The following SETD7 variants were observed in gnomAD, a reference collection of about 807,000 sequenced individuals.
The protein encoded by SETD7 is histone-lysine N-methyltransferase SETD7.
SETD7 carries 16 observed loss-of-function variants against 41.8 expected under a neutral mutation model. The ratio of observed to expected loss-of-function variants is 0.38; its 90% CI spans 0.26 to 0.58. The LOEUF (loss-of-function observed/expected upper bound fraction) is 0.58. Ranked by LOEUF, SETD7 falls within the 20% of genes least tolerant of loss-of-function variation. SETD7 has a pLI of 0.64. For missense variants in SETD7, 346 were observed against 459.7 expected (o/e 0.75, Z 2.26); for synonymous variants, 163 against 169.7 (o/e 0.96, Z 0.31).
intron 4 of SETD7, among the ~76,000 whole-genome samples, chr4:139,528,520 A>T (rs1011737723): frequency 9.2e-5 from 14 of 152,300 alleles, no homozygotes; most frequent in African/African-American, 3.4e-4. Context: ...ATGACTTTTC[A>T]GTATCTCCCA....
downstream of SETD7, among the ~76,000 whole-genome samples, chr4:139,495,702 G>A (rs1215205980): frequency 6.6e-6 from 1 of 152,140 alleles, no homozygotes. Flanking sequence ...ACCACATATG[G>A]GAATTACAAT....
At chr4:139,547,107 C>A (rs888327168) in intron 1 of SETD7, 58 bp from the exon 2 acceptor site, 1 of 1,589,932 alleles carries the variant, frequency 6.3e-7, no homozygotes, top group Non-Finnish European at 8.6e-7. Context: ...TCCCATCTGA[C>A]GTCTAAGCAT....
At chr4:139,496,203 A>C in exon 8 of SETD7, 1 of 491,574 alleles carries the variant, frequency 2.0e-6, no homozygotes, top group Non-Finnish European at 3.6e-6. Context: ...GACTTTATTT[A>C]TTGATTTCTC....
chr4:139,503,422 C>T (rs1726627667), downstream of SETD7, among the ~76,000 whole-genome samples: 1 of 152,066 alleles, frequency 6.6e-6, no homozygotes, highest in Non-Finnish European at 1.5e-5. Context: ...CGGCTTCAGA[C>T]TCTGCCTCTA....
chr4:139,497,326 G>C (rs181695565), intron 7 of SETD7, among the ~76,000 whole-genome samples: 1 of 151,784 alleles, frequency 6.6e-6, no homozygotes, highest in Admixed American at 6.6e-5. Flanking sequence ...ATGGTGGCAG[G>C]CACCTGTAAT....
intron 7 of SETD7, among the ~76,000 whole-genome samples, chr4:139,498,551 C>T (rs1164347064): frequency 6.6e-6 from 1 of 152,244 alleles, no homozygotes; most frequent in Non-Finnish European, 1.5e-5. Flanking sequence ...GCCCCTGTAA[C>T]ATGGTGTGCC....
intron 7 of SETD7, 114 bp downstream of exon 7, chr4:139,517,771 G>A: frequency 8.9e-7 from 1 of 1,128,510 alleles, no homozygotes; most frequent in Non-Finnish European, 1.3e-6. Flanking sequence ...GAGGACCCAT[G>A]GTCATTCAGA....
At chr4:139,530,805 T>TA (rs1163521445) in intron 3 of SETD7, among the ~76,000 whole-genome samples, 3 of 152,220 alleles carry the variant, frequency 2.0e-5, no homozygotes, top group Non-Finnish European at 4.4e-5. Context: ...TATTTTTAAT[T>TA]AAAAACCTTA....
At chr4:139,531,251 G>A (rs55764932) in intron 3 of SETD7, among the ~76,000 whole-genome samples, 3,130 of 152,246 alleles carry the variant, frequency 0.021, 123 homozygotes, top group African/African-American at 0.069. Flanking sequence ...CATGTTGAGC[G>A]ACGCCAATCC....
intron 7 of SETD7, among the ~76,000 whole-genome samples, chr4:139,497,617 C>T (rs1726489271): frequency 6.7e-6 from 1 of 148,928 alleles, no homozygotes; most frequent in Admixed American, 6.7e-5. Context: ...TAGACGAAAT[C>T]TCTCTCTTGT....
At chr4:139,545,605 A>T (rs1253926873) in intron 2 of SETD7, among the ~76,000 whole-genome samples, 3 of 152,238 alleles carry the variant, frequency 2.0e-5, no homozygotes, top group Non-Finnish European at 4.4e-5. Flanking sequence ...ATGAAATTTT[A>T]CAAAAGTCAT....
intron 4 of SETD7, among the ~76,000 whole-genome samples, chr4:139,526,924 A>G (rs1727350203): frequency 6.6e-6 from 1 of 152,236 alleles, no homozygotes; most frequent in African/African-American, 2.4e-5. Flanking sequence ...TTGTAGTTCA[A>G]AGATTACTGC....
At chr4:139,501,483 T>G (rs917990455), downstream of SETD7, among the ~76,000 whole-genome samples, 1 of 152,210 alleles carries the variant, frequency 6.6e-6, no homozygotes, top group African/African-American at 2.4e-5. Flanking sequence ...TTAGGTACAA[T>G]GTACATTACT....
downstream of SETD7, among the ~76,000 whole-genome samples, chr4:139,502,259 A>G (rs772645287): frequency 5.3e-5 from 8 of 152,248 alleles, no homozygotes; most frequent in Non-Finnish European, 1.0e-4. Context: ...GGGAGGAGAA[A>G]GACAATAAAC....
Position 139,510,352 on chromosome 4 carries a change from A to G in SETD7, c.*1311T>C, listed in dbSNP as rs1332581830. On this transcript the variant is annotated 3_prime_UTR_variant, in exon 8 of 8. Transcript: ENST00000274031. The stretch of plus-strand genomic sequence containing the variant: ...GCTTATAAAAAACAAAACTCTCAGG[A>G]TTCATTCAGAGCAATCCCAGTGATG... 1 of 152,270 alleles carries G rather than the reference A, an allele frequency of 6.6e-6. No homozygotes were observed. The highest frequency in any genetic ancestry group is 1.5e-5 in the Non-Finnish European group (1 of 68,056). The allele number at this position is 152,270 out of a possible 1,614,324, so 9.4% of individuals were successfully genotyped here.
In SETD7 at chr4:139,511,614, A is replaced by T; in HGVS notation, c.*49T>A. 1.9e-6 allele frequency: 3 copies of T among 1,611,738 alleles called. No individual in the cohort carries two copies. Among genetic ancestry groups the T allele is most frequent in the Non-Finnish European group, 2.5e-6 (3 of 1,179,576 alleles). The stretch of plus-strand genomic sequence containing the variant: ...TCCCATTGTCAGATAAACGTAGTGC[A>T]TAGATCCAAGTTTCTATTCCAGGTC... On this transcript the variant is annotated 3_prime_UTR_variant, in exon 8 of 8. Transcript: ENST00000274031.
At chr4:139,496,187 T>C (rs989664953) in exon 8 of SETD7, 1 of 492,186 alleles carries the variant, frequency 2.0e-6, no homozygotes, top group Admixed American at 3.7e-5. Context: ...TTTTCCCCCC[T>C]CTGGTGACTT....
chr4:139,512,584 C>T (rs1381760659), intron 7 of SETD7, among the ~76,000 whole-genome samples: 3 of 152,134 alleles, frequency 2.0e-5, no homozygotes, highest in African/African-American at 4.8e-5. Context: ...TGTTCATCTG[C>T]ACAGCTCCCT....
chr4:139,529,308 T>A, intron 3 of SETD7, 88 bp from the exon 4 acceptor site: 1 of 981,860 alleles, frequency 1.0e-6, no homozygotes, highest in Non-Finnish European at 1.5e-6. Context: ...GCAGTCCCAT[T>A]ATTAATATAG....
Sources: allele counts gnomAD v4.1 joint callset (sites outside exome capture counted in the v4.1 genomes callset), GRCh38; gene constraint gnomAD v4.1.1; transcripts MANE v1.5; gene names NCBI Gene and HGNC (gene_info 2026-07-23, HGNC 2026-07-21).